ID4: variants seen among roughly 807,000 people sequenced by gnomAD.
ID4 encodes DNA-binding protein inhibitor ID-4.
In ID4, 9 loss-of-function variants were observed where a neutral mutation model predicts 8.6. That is an observed-to-expected ratio of 1.04 (90% confidence interval 0.63 to 1.82). The LOEUF is 1.82. Ranked by LOEUF, ID4 falls within the 40% of genes most tolerant of loss-of-function variation. The probability of loss-of-function intolerance (pLI) is 0.00; values close to 1 mark genes in which losing one functional copy is unlikely to be tolerated. For missense variants in ID4, 270 were observed against 235.1 expected, an observed-to-expected ratio of 1.15 and a Z score of -0.97; for synonymous variants, 180 against 118.0, an observed-to-expected ratio of 1.53 and a Z score of -3.41.
Position 19,838,685 on chromosome 6 carries a change from C to T in ID4, c.*14+43C>T, listed in dbSNP as rs561228769. 1.4e-5 allele frequency: 22 copies of T among 1,574,008 alleles called. No homozygotes were observed. The East Asian group carries it at 4.5e-4, about 32-fold the overall frequency. ...GTCTCGGGTGGCCGGTCACCAGAGA[C>T]GCCCGTCCCCGAGGGCTTCCGGGGC... On this transcript the variant is annotated intron_variant, in intron 2 of 2. Transcript: ENST00000378700.
rs1761326476 is a variant in ID4, at chr6:19,840,092, T to G, written c.*897T>G. On this transcript the variant is annotated 3_prime_UTR_variant, in exon 3 of 3. Coordinates refer to ENST00000378700, the MANE Select transcript of ID4 (RefSeq NM_001546.4). ...AAATGTAGATTGAAATCTTTGTATTTGAAGCATACATGTTGAAAATACACC... is the reference window on the plus strand; with the variant it reads ...AAATGTAGATTGAAATCTTTGTATTGGAAGCATACATGTTGAAAATACACC... 6.6e-6 allele frequency: 1 copy of G among 152,632 alleles called. No individual in the cohort carries two copies. The highest frequency in any genetic ancestry group is 1.5e-5 in the Non-Finnish European group (1 of 68,030). The allele number at this position is 152,632 out of a possible 1,614,324, so 9.5% of individuals were successfully genotyped here.
In ID4 at chr6:19,838,621, G is replaced by A. The variant is rs981490455; in HGVS notation, c.479G>A (p.Cys160Tyr). 3 of 1,613,790 alleles carry A rather than the reference G, an allele frequency of 1.9e-6. No individual in the cohort carries two copies. Among genetic ancestry groups the A allele is most frequent in the Non-Finnish European group, 2.5e-6 (3 of 1,179,902 alleles). ...AACAAGCAGGGCGACAGCATTCTGT[G>A]CCGCTGAGCCGCGCTGTCCAGGTGA... ...AVNKQGDSIL[C>Y]R Residue 160 changes from cysteine to tyrosine, a missense_variant, in exon 2 of 3, where the codon TGC (cysteine) becomes TAC (tyrosine). Around this residue, in one of 3 missense-constraint regions of ID4, gnomAD observed 107 missense variants for 81.0 expected, o/e 1.32. Transcript: ENST00000378700.
chr6:19,838,337 C>A (rs1330473645), intron 1 of ID4, 142 bp downstream of exon 1: 7 of 1,021,234 alleles, frequency 6.9e-6, no homozygotes, highest in African/African-American at 5.2e-5. Flanking sequence ...CCTCCGGGCT[C>A]CCCCGGGCCG....
Position 19,839,512 on chromosome 6 carries a change from TA to T in ID4, c.*320del, listed in dbSNP as rs1761311922. ...TTAAGCTTAAGTGTGACAGGACTGA[TA>T]AATAGAAGATCAAGAGTAGATCCGA... On this transcript the variant is annotated 3_prime_UTR_variant, in exon 3 of 3. Coordinates refer to ENST00000378700, the MANE Select transcript of ID4 (RefSeq NM_001546.4). 1 of 152,646 alleles carries T rather than the reference TA, an allele frequency of 6.6e-6. No individual in the cohort carries two copies. Among genetic ancestry groups the T allele is most frequent in the Non-Finnish European group, 1.5e-5 (1 of 68,042 alleles). The allele number at this position is 152,646 out of a possible 1,614,324, so 9.5% of individuals were successfully genotyped here. A position where few individuals can be genotyped will look rare whatever the true frequency, so the allele number is the denominator to read the frequency against.
At position 19,838,455 on chromosome 6, in the gene ID4, C is replaced by A. The variant is rs1462966715; in HGVS notation, c.442-129C>A. Reference sequence around the variant, plus strand: ...CAAGTCCCGCCTGAGCCCGGAGGGGCCCCCCCGGCTACAGGCTGGGGTGGG... The same window carrying A: ...CAAGTCCCGCCTGAGCCCGGAGGGGACCCCCCGGCTACAGGCTGGGGTGGG... On this transcript the variant is annotated intron_variant, in intron 1 of 2. Transcript: ENST00000378700. 4.1e-6 allele frequency: 5 copies of A among 1,233,382 alleles called. No individual in the cohort carries two copies. In the African/African-American group the frequency reaches 6.0e-5, roughly 15 times the overall value. 76.4% of individuals were successfully genotyped at this position (1,233,382 alleles called of 1,614,324 possible).
At position 19,837,702 on chromosome 6, in the gene ID4, C is replaced by A; in HGVS notation, c.-53C>A. ...GCGGACGGGGCCCGGAGCTTGCCTG[C>A]CTCCCTCGCTCGCCCCAGCGGGTTC... On this transcript the variant is annotated 5_prime_UTR_variant, in exon 1 of 3. Transcript: ENST00000378700. The A allele has an allele frequency of 9.3e-7, 1 of 1,072,874 alleles. No homozygotes were observed. Among genetic ancestry groups the A allele is most frequent in the Non-Finnish European group, 1.1e-6 (1 of 882,758 alleles). 66.5% of individuals were successfully genotyped at this position (1,072,874 alleles called of 1,614,324 possible).
In ID4 at chr6:19,837,926, G is replaced by A. The variant is rs557291472; in HGVS notation, c.172G>A (p.Asp58Asn). The change falls in exon 1 of 3, where the codon GAC becomes AAC. Residue 58 changes from aspartate to asparagine, a missense_variant. Asp to Asn is a conservative substitution (Grantham distance 23). Transcript: ENST00000378700. ...CTGTAAGGCGGCCGAGGCGGCGGCC[G>A]ACGAGCCGGCGCTGTGCCTGCAGTG... ...ARCKAAEAAA[D>N]EPALCLQCDM... The A allele has an allele frequency of 4.2e-6, 6 of 1,436,968 alleles. No individual in the cohort carries two copies. In the Admixed American group the frequency reaches 1.2e-4, roughly 30 times the overall value. The allele number at this position is 1,436,968 out of a possible 1,614,324, so 89.0% of individuals were successfully genotyped here.
chr6:19,839,132 C>CT (rs1272952024), intron 2 of ID4, 78 bp from the exon 3 acceptor site: 1 of 167,118 alleles, frequency 6.0e-6, no homozygotes, highest in Non-Finnish European at 1.3e-5. Context: ...TCAAGCATGT[C>CT]TTGAGTTTGG....
rs571769867 is a variant in ID4, at chr6:19,841,364, A to C, written c.*2169A>C. Among the ~76,000 whole-genome samples, 7 of 152,328 alleles carry C rather than the reference A, an allele frequency of 4.6e-5. No individual in the cohort carries two copies. The highest frequency in any genetic ancestry group is 1.7e-4 in the African/African-American group (7 of 41,572). On this transcript the variant is annotated 3_prime_UTR_variant, in exon 3 of 3. Transcript: ENST00000378700. ...AACGACTGCATTCTTTGTTATTAAA[A>C]AGGGCACAATCCTTCCTTTTTATTT...
At position 19,839,617 on chromosome 6, in the gene ID4, T is replaced by TA. The variant is rs938521866; in HGVS notation, c.*422_*423insA. ...CTAATCTACCAGAGCATTGTAGATATTTTTTTTTTACATCTATTGTTTAAA... is the reference window on the plus strand; with the variant it reads ...CTAATCTACCAGAGCATTGTAGATATATTTTTTTTTACATCTATTGTTTAAA... On this transcript the variant is annotated 3_prime_UTR_variant, in exon 3 of 3. Transcript: ENST00000378700. The TA allele has an allele frequency of 2.3e-5, 2 of 88,854 alleles. No homozygotes were observed. The highest frequency in any genetic ancestry group is 8.1e-5 in the African/African-American group (2 of 24,818). 5.5% of individuals were successfully genotyped at this position (88,854 alleles called of 1,614,324 possible).
intron 2 of ID4, 38 bp downstream of exon 2, chr6:19,838,680 AGAGACGCCCGTCCCC>A: frequency 6.3e-7 from 1 of 1,585,924 alleles, no homozygotes; most frequent in Non-Finnish European, 8.6e-7. Flanking sequence ...GCCGGTCACC[AGAGACGCCCGTCCCC>A]GAGGGCTTCC....
chr6:19,838,913 C>A (rs906736547), intron 2 of ID4: 8 of 514,272 alleles, frequency 1.6e-5, no homozygotes, highest in East Asian at 3.6e-5. Flanking sequence ...CTTCTGCCTT[C>A]CCTAGTTCCC....
At chr6:19,838,356 C>A (rs1055371821) in intron 1 of ID4, among the ~76,000 whole-genome samples, 161 bp downstream of exon 1, 3 of 152,046 alleles carry the variant, frequency 2.0e-5, no homozygotes. Context: ...CGCCAGCAGC[C>A]GGCCGGGCTC....
In ID4 at chr6:19,839,488, T is replaced by C. The variant is rs931740912; in HGVS notation, c.*293T>C. Reference sequence around the variant, plus strand: ...TTTTTTGGAGGTGCAGTTAAACTTTTAAGCTTAAGTGTGACAGGACTGATA... The same window carrying C: ...TTTTTTGGAGGTGCAGTTAAACTTTCAAGCTTAAGTGTGACAGGACTGATA... On this transcript the variant is annotated 3_prime_UTR_variant, in exon 3 of 3. Transcript: ENST00000378700. 6.6e-6 allele frequency: 1 copy of C among 152,668 alleles called. No homozygotes were observed. The highest frequency in any genetic ancestry group is 2.4e-5 in the African/African-American group (1 of 41,476). The allele number at this position is 152,668 out of a possible 1,614,324, so 9.5% of individuals were successfully genotyped here. A position where few individuals can be genotyped will look rare whatever the true frequency, so the allele number is the denominator to read the frequency against.
At chr6:19,838,465 T>C in intron 1 of ID4, 119 bp from the exon 2 acceptor site, 2 of 1,379,670 alleles carry the variant, frequency 1.4e-6, no homozygotes, top group South Asian at 1.2e-5. Context: ...CCCCCCCGGC[T>C]ACAGGCTGGG....
Position 19,839,503 on chromosome 6 carries a change from C to T in ID4, c.*308C>T, listed in dbSNP as rs1341193439. ...GTTAAACTTTTAAGCTTAAGTGTGA[C>T]AGGACTGATAAATAGAAGATCAAGA... On this transcript the variant is annotated 3_prime_UTR_variant, in exon 3 of 3. Transcript: ENST00000378700. 1.3e-5 allele frequency: 2 copies of T among 152,548 alleles called. No individual in the cohort carries two copies. Among genetic ancestry groups the T allele is most frequent in the Non-Finnish European group, 2.9e-5 (2 of 68,020 alleles). The allele number at this position is 152,548 out of a possible 1,614,324, so 9.4% of individuals were successfully genotyped here.
At chr6:19,838,733 C>G in intron 2 of ID4, 91 bp downstream of exon 2, 1 of 1,157,294 alleles carries the variant, frequency 8.6e-7, no homozygotes, top group Non-Finnish European at 1.3e-6. Context: ...TGTTCTTTGC[C>G]CCCAGCGTTT....
In ID4 at chr6:19,840,797, T is replaced by A. The variant is rs940841822; in HGVS notation, c.*1602T>A. ...TAGGTTAGATAGGACTATCAGGGTT[T>A]GTGAACATTATGCATTTAATGTTAT... is the stretch of plus-strand genomic sequence containing the variant. On this transcript the variant is annotated 3_prime_UTR_variant, in exon 3 of 3. Coordinates refer to ENST00000378700, the MANE Select transcript of ID4 (RefSeq NM_001546.4). 19 of 152,178 alleles carry A rather than the reference T, an allele frequency of 1.2e-4. No individual in the cohort carries two copies. Among genetic ancestry groups the A allele is most frequent in the Non-Finnish European group, 2.5e-4 (17 of 67,998 alleles). 9.4% of individuals were successfully genotyped at this position (152,178 alleles called of 1,614,324 possible). A position where few individuals can be genotyped will look rare whatever the true frequency, so the allele number is the denominator to read the frequency against.
chr6:19,838,460 C>G (rs1272723809), intron 1 of ID4, 124 bp from the exon 2 acceptor site: 3 of 1,351,572 alleles, frequency 2.2e-6, no homozygotes, highest in South Asian at 2.4e-5. Flanking sequence ...AGGGGCCCCC[C>G]CGGCTACAGG....
Sources: gnomAD v4.1 joint callset for allele counts (sites outside exome capture counted in the v4.1 genomes callset) on GRCh38, gnomAD v4.1.1 for gene constraint, gnomAD v4.1.1 regional missense constraint, MANE v1.5 for transcripts, NCBI Gene and HGNC (gene_info 2026-07-23, HGNC 2026-07-21) for gene names.